The following GPC6 variants were observed in gnomAD, a reference collection of about 807,000 sequenced individuals.
GPC6 encodes the protein glypican-6.
Under a neutral mutation model 55.2 loss-of-function variants are expected in GPC6, and 14 were observed. The ratio of observed to expected loss-of-function variants is 0.25; its 90% CI spans 0.17 to 0.40. The LOEUF (loss-of-function observed/expected upper bound fraction) is 0.40, where lower values mean the gene tolerates loss of function less well. Ranked by LOEUF, GPC6 falls within the 10% of genes least tolerant of loss-of-function variation. The pLI, the probability that GPC6 is intolerant of heterozygous loss-of-function variation, is 1.00. For synonymous variants in GPC6, 278 were observed against 259.6 expected (o/e 1.07, Z -0.68); for missense variants, 641 against 708.5 (o/e 0.90, Z 1.08).
intron 1 of GPC6, among the ~76,000 whole-genome samples, chr13:93,313,691 T>A (rs544237882): frequency 6.6e-6 from 1 of 152,198 alleles, no homozygotes; most frequent in African/African-American, 2.4e-5. Context: ...GATCTTGATA[T>A]GTTGCCCAGG....
chr13:93,978,977 C>T (rs1880649854), intron 3 of GPC6, among the ~76,000 whole-genome samples: 1 of 151,994 alleles, frequency 6.6e-6, no homozygotes, highest in African/African-American at 2.4e-5. Flanking sequence ...GACAAACTTC[C>T]TTTGTGAACC....
intron 4 of GPC6, among the ~76,000 whole-genome samples, chr13:94,126,228 T>C (rs9516356): frequency 0.19 from 29,412 of 151,806 alleles, 3,530 homozygotes; most frequent in Non-Finnish European, 0.27. Context: ...AAAAAAAAAT[T>C]GAAAATTAGT....
intron 1 of GPC6, among the ~76,000 whole-genome samples, chr13:93,537,213 A>G (rs1469896751): frequency 1.3e-5 from 2 of 152,200 alleles, no homozygotes; most frequent in Non-Finnish European, 2.9e-5. Flanking sequence ...GCTTAGGGAC[A>G]TTAGCAACTG....
At chr13:94,165,649 A>AT (rs1236804571) in intron 4 of GPC6, among the ~76,000 whole-genome samples, 1 of 151,280 alleles carries the variant, frequency 6.6e-6, no homozygotes, top group Non-Finnish European at 1.5e-5. Flanking sequence ...GGAAATAAAA[A>AT]TTTTTTTTAA....
intron 4 of GPC6, among the ~76,000 whole-genome samples, chr13:94,240,898 T>A (rs890661248): frequency 6.6e-6 from 1 of 152,150 alleles, no homozygotes; most frequent in African/African-American, 2.4e-5. Context: ...AGGGAAGGAC[T>A]TGACTAGGTT....
chr13:93,373,642 C>G (rs1874761056), intron 1 of GPC6, among the ~76,000 whole-genome samples: 1 of 152,004 alleles, frequency 6.6e-6, no homozygotes, highest in Non-Finnish European at 1.5e-5. Context: ...AAATATAGGT[C>G]AGATTAACAA....
intron 4 of GPC6, among the ~76,000 whole-genome samples, chr13:94,111,583 G>A (rs956186634): frequency 3.3e-5 from 5 of 151,616 alleles, no homozygotes; most frequent in African/African-American, 1.2e-4. Context: ...TGATATGTCA[G>A]TGCTCCTGTG....
intron 2 of GPC6, among the ~76,000 whole-genome samples, chr13:93,706,399 A>T (rs1334340135): frequency 6.6e-6 from 1 of 151,906 alleles, no homozygotes; most frequent in African/African-American, 2.4e-5. Context: ...CATTTGTACA[A>T]TTTGTATACT....
chr13:94,055,074 G>A (rs929504133), intron 4 of GPC6, among the ~76,000 whole-genome samples: 14 of 152,070 alleles, frequency 9.2e-5, no homozygotes, highest in Non-Finnish European at 1.5e-4. Context: ...CTTTATTCTC[G>A]TCCTGTGTTT....
intron 3 of GPC6, among the ~76,000 whole-genome samples, chr13:94,001,993 A>G (rs1881825413): frequency 6.6e-6 from 1 of 152,042 alleles, no homozygotes. Context: ...GTGTTTGCTT[A>G]TTGGTGCTTG....
chr13:93,781,768 A>G (rs1196500241), intron 2 of GPC6, among the ~76,000 whole-genome samples: 2 of 152,172 alleles, frequency 1.3e-5, no homozygotes, highest in Non-Finnish European at 2.9e-5. Context: ...CTAACTATGT[A>G]TATAGGTAAA....
chr13:93,581,683 A>G (rs1002095517), intron 2 of GPC6, among the ~76,000 whole-genome samples: 1 of 152,196 alleles, frequency 6.6e-6, no homozygotes, highest in African/African-American at 2.4e-5. Flanking sequence ...CAGCCTGGGC[A>G]ACAGAGAGAG....
intron 6 of GPC6, among the ~76,000 whole-genome samples, chr13:94,349,693 C>G (rs1048753333): frequency 5.3e-5 from 8 of 152,184 alleles, no homozygotes; most frequent in African/African-American, 1.9e-4. Context: ...CCTAATTCTC[C>G]AACTGTCAAA....
intron 1 of GPC6, among the ~76,000 whole-genome samples, chr13:93,295,203 T>A (rs1383761089): frequency 7.3e-6 from 1 of 136,900 alleles, no homozygotes; most frequent in Non-Finnish European, 1.5e-5. Context: ...AGGCTGAAGA[T>A]CACCTGAGTC....
intron 1 of GPC6, among the ~76,000 whole-genome samples, chr13:93,498,549 TAGTG>T (rs1265003030): frequency 1.3e-5 from 2 of 152,204 alleles, no homozygotes; most frequent in Non-Finnish European, 2.9e-5. Flanking sequence ...ACTCTCATGA[TAGTG>T]AGTAAGTCTC....
intron 3 of GPC6, among the ~76,000 whole-genome samples, chr13:93,833,029 G>A (rs1161403140): frequency 1.3e-5 from 2 of 150,726 alleles, no homozygotes; most frequent in Non-Finnish European, 3.0e-5. Flanking sequence ...CCTGACATTT[G>A]GGCACTGCCT....
chr13:93,625,147 T>C (rs1356903562), intron 2 of GPC6, among the ~76,000 whole-genome samples: 2 of 152,194 alleles, frequency 1.3e-5, no homozygotes, highest in Non-Finnish European at 2.9e-5. Context: ...AATGACAGTT[T>C]TTTTTTATTT....
chr13:93,914,640 A>T (rs556546748), intron 3 of GPC6, among the ~76,000 whole-genome samples: 42 of 152,240 alleles, frequency 2.8e-4, no homozygotes, highest in Non-Finnish European at 5.4e-4. Context: ...ATTTTATAAC[A>T]TCTGCTAATT....
chr13:93,734,639 C>A (rs1883935288), intron 2 of GPC6, among the ~76,000 whole-genome samples: 1 of 152,098 alleles, frequency 6.6e-6, no homozygotes, highest in Non-Finnish European at 1.5e-5. Context: ...TATTAAAAAA[C>A]ACCAAATTGT....
Sources: gnomAD v4.1 joint callset for allele counts (sites outside exome capture counted in the v4.1 genomes callset) on GRCh38, gnomAD v4.1.1 for gene constraint, MANE v1.5 for transcripts, NCBI Gene and HGNC (gene_info 2026-07-23, HGNC 2026-07-21) for gene names.